The following IFT43 variants were observed in gnomAD, a reference collection of about 807,000 sequenced individuals.
IFT43 encodes the protein intraflagellar transport 43, also known as intraflagellar transport protein 43 homolog.
A neutral mutation model predicts 32.3 loss-of-function variants in IFT43; 33 were observed. The observed-to-expected ratio is 1.02, with a 90% confidence interval of 0.77 to 1.37. The LOEUF (loss-of-function observed/expected upper bound fraction) is 1.37. Ranked by LOEUF, IFT43 falls within the 40% of genes most tolerant of loss-of-function variation. The pLI is 0.00. For synonymous variants in IFT43, 93 were observed against 98.2 expected (o/e 0.95, Z 0.31); for missense variants, 274 against 265.9 (o/e 1.03, Z -0.21).
chr14:75,999,252 TATATATATATATATATATATGTATATATA>T (rs2035819196), intron 2 of IFT43, among the ~76,000 whole-genome samples: 13 of 11,406 alleles, frequency 1.1e-3, no homozygotes, highest in South Asian at 6.3e-3. Context: ...TATATATATA[TATATATATATATATATATATGTATATATA>T]TTTTTTTTTT....
intron 2 of IFT43, among the ~76,000 whole-genome samples, chr14:75,991,214 C>G (rs1264970095): frequency 6.6e-6 from 1 of 151,740 alleles, no homozygotes; most frequent in African/African-American, 2.4e-5. Flanking sequence ...GCCTATAGTC[C>G]CAGCTACTTG....
chr14:76,008,278 A>G (rs1184894036), intron 2 of IFT43, among the ~76,000 whole-genome samples: 1 of 152,178 alleles, frequency 6.6e-6, no homozygotes, highest in African/African-American at 2.4e-5. Flanking sequence ...CCCCAAGTAA[A>G]AGGCCCTGTA....
chr14:76,070,647 G>A (rs529712738), intron 5 of IFT43, among the ~76,000 whole-genome samples: 93 of 152,268 alleles, frequency 6.1e-4, no homozygotes, highest in Non-Finnish European at 1.2e-3. Context: ...ATTGGAGGTG[G>A]GGCCTAGTGT....
intron 2 of IFT43, among the ~76,000 whole-genome samples, chr14:76,012,244 T>C (rs978575891): frequency 4.6e-5 from 7 of 152,272 alleles, no homozygotes; most frequent in Admixed American, 3.9e-4. Flanking sequence ...GTGTGAGAAG[T>C]TTCTAAACTC....
intron 2 of IFT43, among the ~76,000 whole-genome samples, chr14:75,993,747 CT>C (rs1415143526): frequency 1.3e-5 from 2 of 152,150 alleles, no homozygotes; most frequent in African/African-American, 4.8e-5. Flanking sequence ...GAGCCTGTGA[CT>C]TTTGTTCTCA....
intron 5 of IFT43, chr14:76,076,511 T>G (rs2037414775): frequency 6.3e-7 from 1 of 1,579,918 alleles, no homozygotes; most frequent in Non-Finnish European, 8.6e-7. Context: ...GGAGTTAGAT[T>G]TATACTCCAG....
intron 2 of IFT43, 36 bp downstream of exon 2, chr14:75,989,013 C>G: frequency 1.9e-6 from 3 of 1,611,008 alleles, no homozygotes; most frequent in African/African-American, 1.3e-5. Context: ...TGAAGAAATA[C>G]TGTTTAAGAG....
At chr14:76,059,406 T>C in intron 5 of IFT43, 33 bp downstream of exon 5, 1 of 1,600,530 alleles carries the variant, frequency 6.2e-7, no homozygotes, top group Non-Finnish European at 8.6e-7. Context: ...CAAAAGGTCT[T>C]CTAGAGAGGC....
chr14:76,029,314 T>G (rs1594828936), intron 3 of IFT43, among the ~76,000 whole-genome samples: 2 of 152,364 alleles, frequency 1.3e-5, no homozygotes, highest in South Asian at 4.1e-4. Flanking sequence ...ATGGGGTTAT[T>G]TTTTTCTTGT....
chr14:76,035,018 G>C (rs1281134786), intron 3 of IFT43, among the ~76,000 whole-genome samples: 2 of 152,184 alleles, frequency 1.3e-5, no homozygotes, highest in African/African-American at 4.8e-5. Flanking sequence ...TCTGTTTTTG[G>C]GTTTGTCCCT....
intron 3 of IFT43, among the ~76,000 whole-genome samples, chr14:76,051,567 G>A (rs1004050711): frequency 2.6e-5 from 4 of 152,104 alleles, no homozygotes; most frequent in African/African-American, 7.2e-5. Context: ...TTTGCTGGTG[G>A]CATTAGATGA....
At chr14:76,049,836 G>C (rs1035509847) in intron 3 of IFT43, among the ~76,000 whole-genome samples, 1 of 148,750 alleles carries the variant, frequency 6.7e-6, no homozygotes, top group Non-Finnish European at 1.5e-5. Flanking sequence ...ACTTGAAGGG[G>C]GAAAGCAAAG....
chr14:76,015,659 A>G (rs2036174524), intron 2 of IFT43, among the ~76,000 whole-genome samples: 2 of 152,186 alleles, frequency 1.3e-5, no homozygotes, highest in South Asian at 4.1e-4. Flanking sequence ...TGCGGGTACC[A>G]TTTTATAATG....
intron 2 of IFT43, among the ~76,000 whole-genome samples, chr14:76,000,410 G>A (rs1973865): frequency 0.99 from 150,723 of 151,512 alleles, 74,971 homozygotes; most frequent in Middle Eastern, 1. Flanking sequence ...GACTACAGGC[G>A]CCTGCCACCA....
At chr14:75,986,195 A>C (rs560161025) in intron 1 of IFT43, 1 of 1,314,738 alleles carries the variant, frequency 7.6e-7, no homozygotes, top group Non-Finnish European at 9.9e-7. Context: ...CCGGGGTCGC[A>C]CTCGCTCCCA....
At chr14:75,988,682 C>T (rs891998564) in intron 1 of IFT43, among the ~76,000 whole-genome samples, 1 of 152,182 alleles carries the variant, frequency 6.6e-6, no homozygotes, top group Non-Finnish European at 1.5e-5. Context: ...CAACGCCAGG[C>T]TAATCTTTTG....
intron 3 of IFT43, among the ~76,000 whole-genome samples, chr14:76,029,082 C>T (rs1044683870): frequency 1.3e-5 from 2 of 152,252 alleles, no homozygotes; most frequent in Non-Finnish European, 2.9e-5. Context: ...TACATTCCCA[C>T]CAACAGTGTG....
chr14:76,016,856 T>C (rs867375325), intron 2 of IFT43, among the ~76,000 whole-genome samples: 2 of 152,208 alleles, frequency 1.3e-5, no homozygotes, highest in Non-Finnish European at 2.9e-5. Flanking sequence ...TAGTTTGTTA[T>C]TGGTGTGTAA....
chr14:76,019,417 C>T (rs2036250066), intron 2 of IFT43, among the ~76,000 whole-genome samples: 1 of 151,858 alleles, frequency 6.6e-6, no homozygotes. Flanking sequence ...ATATATCATC[C>T]CAAACTTTCC....
Sources: allele counts gnomAD v4.1 joint callset (sites outside exome capture counted in the v4.1 genomes callset), GRCh38; gene constraint gnomAD v4.1.1; transcripts MANE v1.5; gene names NCBI Gene and HGNC (gene_info 2026-07-23, HGNC 2026-07-21).